Variants in CTNNA2 observed in about 807,000 individuals in gnomAD.
The protein encoded by CTNNA2 is catenin alpha 2.
CTNNA2 carries 42 observed loss-of-function variants against 101.0 expected under a neutral mutation model. That is an observed-to-expected ratio of 0.42 (90% CI 0.32 to 0.54). The LOEUF is 0.54. Ranked by LOEUF, CTNNA2 falls within the 20% of genes least tolerant of loss-of-function variation. The pLI is 0.14. For missense variants in CTNNA2, 871 were observed against 1,223.1 expected, an observed-to-expected ratio of 0.71 and a Z score of 4.29; for synonymous variants, 450 against 456.4, an observed-to-expected ratio of 0.99 and a Z score of 0.18.
At chr2:79,579,813 C>T (rs1267243387) in intron 1 of CTNNA2, among the ~76,000 whole-genome samples, 1 of 152,050 alleles carries the variant, frequency 6.6e-6, no homozygotes, top group Non-Finnish European at 1.5e-5. Flanking sequence ...GGGGTTTCTC[C>T]ATGTTGGTCA....
chr2:79,965,872 A>G, intron 7 of CTNNA2, among the ~76,000 whole-genome samples: 1 of 151,138 alleles, frequency 6.6e-6, no homozygotes, highest in East Asian at 2.0e-4. Context: ...AGAAAAGAAA[A>G]GAAAAAGAAA....
At chr2:79,309,454 G>A (rs748442614) in intron 2 of CTNNA2, among the ~76,000 whole-genome samples, 8 of 152,122 alleles carry the variant, frequency 5.3e-5, no homozygotes, top group Non-Finnish European at 8.8e-5. Flanking sequence ...GAGGAGTATG[G>A]CTTTATAGAC....
intron 3 of CTNNA2, among the ~76,000 whole-genome samples, chr2:79,755,318 A>T (rs934571339): frequency 1.3e-5 from 2 of 152,172 alleles, no homozygotes; most frequent in African/African-American, 2.4e-5. Flanking sequence ...GTGACAAAGC[A>T]AGAGCAAATG....
intron 8 of CTNNA2, among the ~76,000 whole-genome samples, chr2:80,395,226 A>G (rs1250362502): frequency 6.6e-6 from 1 of 152,144 alleles, no homozygotes; most frequent in Non-Finnish European, 1.5e-5. Flanking sequence ...CAGTGGAAGG[A>G]GTGTGTCCTT....
intron 7 of CTNNA2, among the ~76,000 whole-genome samples, chr2:80,141,881 T>A (rs1263740578): frequency 6.8e-6 from 1 of 146,460 alleles, no homozygotes; most frequent in Non-Finnish European, 1.5e-5. Context: ...TGAGACAGGG[T>A]CTCACTCTAA....
chr2:79,807,595 C>T (rs114888613), intron 3 of CTNNA2, among the ~76,000 whole-genome samples: 2,990 of 152,142 alleles, frequency 0.02, 84 homozygotes, highest in African/African-American at 0.068. Flanking sequence ...AGTGTTCAAA[C>T]ATTATATTAG....
At chr2:79,232,860 G>A (rs1434194) in intron 2 of CTNNA2, among the ~76,000 whole-genome samples, 65,199 of 151,844 alleles carry the variant, frequency 0.43, 14,746 homozygotes, top group Non-Finnish European at 0.48. Flanking sequence ...AGGATATTTC[G>A]TATTTGCATG....
At chr2:80,212,325 G>T (rs557290877) in intron 7 of CTNNA2, among the ~76,000 whole-genome samples, 1 of 152,168 alleles carries the variant, frequency 6.6e-6, no homozygotes, top group Non-Finnish European at 1.5e-5. Flanking sequence ...TCAAGTTTTT[G>T]CCCATTCAGT....
intron 3 of CTNNA2, among the ~76,000 whole-genome samples, chr2:79,812,876 C>A (rs994791118): frequency 6.6e-6 from 1 of 152,102 alleles, no homozygotes; most frequent in South Asian, 2.1e-4. Context: ...TTCCCTGGAA[C>A]GTCCTATGTC....
At chr2:80,308,919 T>C (rs898472688) in intron 7 of CTNNA2, among the ~76,000 whole-genome samples, 2 of 151,968 alleles carry the variant, frequency 1.3e-5, no homozygotes, top group Non-Finnish European at 2.9e-5. Context: ...TGAAACCCCC[T>C]CTCTACTAAA....
intron 4 of CTNNA2, among the ~76,000 whole-genome samples, chr2:79,390,963 G>A (rs1678165712): frequency 6.6e-6 from 1 of 152,034 alleles, no homozygotes; most frequent in South Asian, 2.1e-4. Context: ...TCTTAAGGAG[G>A]GGTCCAGAGA....
At chr2:80,485,656 T>A (rs1257730602) in intron 9 of CTNNA2, among the ~76,000 whole-genome samples, 1 of 152,226 alleles carries the variant, frequency 6.6e-6, no homozygotes, top group African/African-American at 2.4e-5. Flanking sequence ...AAATATTTTT[T>A]ATTAAAAAAT....
At chr2:79,398,340 T>C (rs908887102) in intron 4 of CTNNA2, among the ~76,000 whole-genome samples, 1 of 152,124 alleles carries the variant, frequency 6.6e-6, no homozygotes, top group Non-Finnish European at 1.5e-5. Context: ...CCACCTACCA[T>C]ATAAAGCATG....
At chr2:80,468,931 A>G (rs1321609468) in intron 9 of CTNNA2, among the ~76,000 whole-genome samples, 1 of 152,208 alleles carries the variant, frequency 6.6e-6, no homozygotes, top group Admixed American at 6.5e-5. Flanking sequence ...TATCCAAATA[A>G]CAGAGGGCTT....
rs188081616 is a variant in CTNNA2, at chr2:80,345,969, A to G, written c.1057-47242A>G. 2.0e-5 allele frequency among the ~76,000 whole-genome samples: 3 copies of G among 152,314 alleles called. No homozygotes were observed. The East Asian group carries it at 5.8e-4, about 29-fold the overall frequency. On this transcript the variant is annotated intron_variant, in intron 7 of 18. Coordinates refer to ENST00000402739, the MANE Select transcript of CTNNA2 (RefSeq NM_001282597.3). ...TCATGGTGGCCTGCAGATTGAGGAT[A>G]AAGGGCATAAGGAGAAAATAATTTT... is the stretch of plus-strand genomic sequence containing the variant.
At chr2:80,022,987 C>T (rs1228638640) in intron 7 of CTNNA2, among the ~76,000 whole-genome samples, 1 of 152,160 alleles carries the variant, frequency 6.6e-6, no homozygotes, top group Non-Finnish European at 1.5e-5. Context: ...ACCCAGCAAC[C>T]ATCAGATTCC....
chr2:79,319,460 C>T (rs1334877531), intron 3 of CTNNA2, among the ~76,000 whole-genome samples: 1 of 152,084 alleles, frequency 6.6e-6, no homozygotes, highest in Non-Finnish European at 1.5e-5. Flanking sequence ...GACCTTAGGA[C>T]TCAGGCTAAA....
rs541163338 is a variant in CTNNA2, at chr2:80,580,802, G to C, written c.1894-904G>C. Among the ~76,000 whole-genome samples, 9 of 152,188 alleles carry C rather than the reference G, an allele frequency of 5.9e-5. No individual in the cohort carries two copies. The East Asian group carries it at 1.7e-3, about 29-fold the overall frequency. ...GGCCAATGCGGGCAGATCACTTCAG[G>C]CCAGGAGTTCCAGACCAGCCTGGCC... On this transcript the variant is annotated intron_variant, in intron 13 of 18. Coordinates refer to ENST00000402739, the MANE Select transcript of CTNNA2 (RefSeq NM_001282597.3).
intron 1 of CTNNA2, among the ~76,000 whole-genome samples, chr2:79,594,240 T>G (rs1294042272): frequency 6.6e-6 from 1 of 152,102 alleles, no homozygotes; most frequent in Non-Finnish European, 1.5e-5. Context: ...AGGATTTTTT[T>G]CTAAACCCCC....
Sources: allele counts gnomAD v4.1 joint callset (sites outside exome capture counted in the v4.1 genomes callset), GRCh38; gene constraint gnomAD v4.1.1; transcripts MANE v1.5; gene names NCBI Gene and HGNC (gene_info 2026-07-23, HGNC 2026-07-21).